KCNN2: variants seen among roughly 807,000 people sequenced by gnomAD.
KCNN2 encodes potassium calcium-activated channel subfamily N member 2, also known as small conductance calcium-activated potassium channel protein 2.
KCNN2 carries 24 observed loss-of-function variants against 55.5 expected under a neutral mutation model. That is an observed-to-expected ratio of 0.43 (90% confidence interval 0.31 to 0.61). KCNN2 has a LOEUF of 0.61. Among genes scored for constraint, KCNN2 ranks in the 20% least tolerant of loss-of-function variants. The pLI is 0.08. For synonymous variants in KCNN2, 431 were observed against 336.1 expected (o/e 1.28, Z -3.09); for missense variants, 754 against 853.6 (o/e 0.88, Z 1.45).
At chr5:114,090,868 AGACAGGGTCTCACTCTGTTGCCCAGACTG>A in intron 1 of KCNN2, among the ~76,000 whole-genome samples, 1 of 152,036 alleles carries the variant, frequency 6.6e-6, no homozygotes, top group South Asian at 2.1e-4. Context: ...TTTAAAATCG[AGACAGGGTCTCACTCTGTTGCCCAGACTG>A]GACAGCCTCA....
In KCNN2 at chr5:114,211,372, A is replaced by C. The variant is rs538811790; in HGVS notation, c.-270-10108A>C. On this transcript the variant is annotated intron_variant, in intron 1 of 10. Transcript: ENST00000512097. ...TGGTACATATACACCATGAAACGCT[A>C]TGCAGCCATAAAAAAGAATGAGATC... Among the ~76,000 whole-genome samples, 7 of 152,322 alleles carry C rather than the reference A, an allele frequency of 4.6e-5. No individual in the cohort carries two copies. In the East Asian group the frequency reaches 9.6e-4, roughly 21 times the overall value.
chr5:114,390,423 T>C (rs1580781692), intron 2 of KCNN2, among the ~76,000 whole-genome samples: 1 of 152,202 alleles, frequency 6.6e-6, no homozygotes, highest in African/African-American at 2.4e-5. Context: ...CAATCAGTGA[T>C]GTCAGTCTTT....
At chr5:114,189,810 C>G (rs1191590823) in intron 1 of KCNN2, among the ~76,000 whole-genome samples, 1 of 152,098 alleles carries the variant, frequency 6.6e-6, no homozygotes, top group African/African-American at 2.4e-5. Context: ...TACATGGGAT[C>G]TTGGAATGTG....
chr5:114,154,140 T>G (rs1752581010), intron 1 of KCNN2, among the ~76,000 whole-genome samples: 1 of 152,156 alleles, frequency 6.6e-6, no homozygotes, highest in Non-Finnish European at 1.5e-5. Context: ...GTGCCACCTG[T>G]TTCCTGCTGG....
At chr5:114,440,406 A>G (rs533981356) in intron 3 of KCNN2, among the ~76,000 whole-genome samples, 2 of 152,336 alleles carry the variant, frequency 1.3e-5, no homozygotes, top group South Asian at 4.1e-4. Flanking sequence ...GTCCTCACTA[A>G]AATAACTTCT....
intron 2 of KCNN2, among the ~76,000 whole-genome samples, chr5:114,402,119 A>G (rs2150069807): frequency 6.6e-6 from 1 of 152,266 alleles, no homozygotes. Context: ...AGGGACACAG[A>G]ATGGAGAGAA....
intron 2 of KCNN2, among the ~76,000 whole-genome samples, chr5:114,378,308 C>G (rs1235050240): frequency 6.6e-6 from 1 of 152,180 alleles, no homozygotes; most frequent in African/African-American, 2.4e-5. Context: ...AAAATATTTG[C>G]TTTCTGGTCC....
At chr5:114,090,270 A>C (rs34265281) in intron 1 of KCNN2, among the ~76,000 whole-genome samples, 14,252 of 152,212 alleles carry the variant, frequency 0.094, 739 homozygotes, top group Middle Eastern at 0.18. Flanking sequence ...GATGAGGAAG[A>C]AATTAGGATA....
chr5:114,336,857 A>G, intron 2 of KCNN2, among the ~76,000 whole-genome samples: 1 of 152,160 alleles, frequency 6.6e-6, no homozygotes, highest in East Asian at 1.9e-4. Context: ...GGGCTCGCAT[A>G]GTGAAGGTAC....
intron 1 of KCNN2, among the ~76,000 whole-genome samples, chr5:114,112,677 T>C (rs1166390184): frequency 1.3e-5 from 2 of 151,828 alleles, no homozygotes; most frequent in African/African-American, 4.8e-5. Flanking sequence ...TGTATTTGTA[T>C]TACAAACCTC....
At chr5:114,436,576 T>A (rs1227538752) in intron 3 of KCNN2, among the ~76,000 whole-genome samples, 2 of 152,214 alleles carry the variant, frequency 1.3e-5, no homozygotes, top group African/African-American at 4.8e-5. Context: ...TAGGCATACA[T>A]ACTTGGACGG....
At chr5:114,146,572 T>C (rs1752401653) in intron 1 of KCNN2, among the ~76,000 whole-genome samples, 1 of 152,170 alleles carries the variant, frequency 6.6e-6, no homozygotes, top group Non-Finnish European at 1.5e-5. Flanking sequence ...AACTGTGACA[T>C]GCACGTAAGC....
intron 2 of KCNN2, among the ~76,000 whole-genome samples, chr5:114,398,500 A>G (rs559846806): frequency 1.5e-3 from 209 of 138,656 alleles, no homozygotes; most frequent in Non-Finnish European, 2.5e-3. Flanking sequence ...TTTTTTTTGT[A>G]GTTGTTGTTT....
chr5:114,117,621 G>A (rs976001042), intron 1 of KCNN2, among the ~76,000 whole-genome samples: 10 of 152,204 alleles, frequency 6.6e-5, no homozygotes, highest in African/African-American at 2.4e-4. Flanking sequence ...AGCTCAAGAG[G>A]CCTGGGGGAA....
chr5:114,148,816 A>G (rs1484572178), intron 1 of KCNN2, among the ~76,000 whole-genome samples: 1 of 152,132 alleles, frequency 6.6e-6, no homozygotes, highest in Non-Finnish European at 1.5e-5. Context: ...CAAATTCCTC[A>G]TCATGATCAG....
chr5:114,106,308 C>T (rs936322052), intron 1 of KCNN2, among the ~76,000 whole-genome samples: 1 of 151,468 alleles, frequency 6.6e-6, no homozygotes, highest in Non-Finnish European at 1.5e-5. Context: ...CTGTAATAAA[C>T]ACTCTTGTAT....
intron 1 of KCNN2, among the ~76,000 whole-genome samples, chr5:114,209,069 T>A (rs1035351906): frequency 6.6e-6 from 1 of 151,900 alleles, no homozygotes; most frequent in African/African-American, 2.4e-5. Context: ...TGCCTTTTTT[T>A]TTTTTGAGAC....
intron 2 of KCNN2, among the ~76,000 whole-genome samples, chr5:114,374,212 C>T (rs1757867077): frequency 6.6e-6 from 1 of 152,138 alleles, no homozygotes; most frequent in Non-Finnish European, 1.5e-5. Context: ...TGCCTCTCCT[C>T]ACCACTAATT....
At chr5:114,401,610 A>G (rs1429298896) in intron 2 of KCNN2, among the ~76,000 whole-genome samples, 1 of 152,222 alleles carries the variant, frequency 6.6e-6, no homozygotes, top group East Asian at 1.9e-4. Flanking sequence ...AGCACATATG[A>G]GGATCATGGT....
Sources: gnomAD v4.1 joint callset for allele counts (sites outside exome capture counted in the v4.1 genomes callset) on GRCh38, gnomAD v4.1.1 for gene constraint, MANE v1.5 for transcripts, NCBI Gene and HGNC (gene_info 2026-07-23, HGNC 2026-07-21) for gene names.